Variants in LCOR observed in about 807,000 individuals in gnomAD.
LCOR encodes ligand dependent nuclear receptor corepressor.
In LCOR, 14 loss-of-function variants were observed where a neutral mutation model predicts 64.4. The ratio of observed to expected loss-of-function variants is 0.22; its 90% confidence interval spans 0.14 to 0.34. The LOEUF (loss-of-function observed/expected upper bound fraction) is 0.34, where lower values mean the gene tolerates loss of function less well. LCOR is among the 10% of genes least tolerant of loss of function. LCOR has a pLI of 1.00. For synonymous variants in LCOR, 643 were observed against 642.5 expected, an observed-to-expected ratio of 1.00 and a Z score of -0.01; for missense variants, 1,686 against 1,765.3, an observed-to-expected ratio of 0.96 and a Z score of 0.80.
rs977478115 is a variant in LCOR, at chr10:96,863,484, G to A, written c.-330+30005G>A. Among the ~76,000 whole-genome samples the A allele has an allele frequency of 5.9e-5, 9 of 152,272 alleles. No homozygotes were observed. The South Asian group carries it at 6.2e-4, about 11-fold the overall frequency. On this transcript the variant is annotated intron_variant, in intron 2 of 7. Transcript: ENST00000421806. ...CTCCCAAAGTGCTGGGATTACAGGT[G>A]TGAGCTACCATGCCTGGTCCATCTT...
Position 96,943,142 on chromosome 10 carries a change from C to G in LCOR, c.-183-971C>G, listed in dbSNP as rs149100500. Among the ~76,000 whole-genome samples, 1,162 of 152,246 alleles carry G rather than the reference C, an allele frequency of 7.6e-3. 55 individuals carry two copies. The highest frequency in any genetic ancestry group is 0.072 in the Admixed American group (1,093 of 15,286). ...TGAGACAAAGTCTTGCTGTGTCACC[C>G]AAGCTGGAGTGCAGTGGCATAATCT... is the stretch of plus-strand genomic sequence containing the variant. On this transcript the variant is annotated intron_variant, in intron 4 of 7. Coordinates refer to ENST00000421806, the MANE Select transcript of LCOR (RefSeq NM_001346516.2).
In LCOR at chr10:96,982,651, G is replaced by C; in HGVS notation, c.2191G>C (p.Ala731Pro). The C allele has an allele frequency of 1.2e-6, 2 of 1,614,176 alleles. No individual in the cohort carries two copies. The highest frequency in any genetic ancestry group is 1.7e-6 in the Non-Finnish European group (2 of 1,180,040). ...GGCTGAGGACAACCAAAGCATCAGT[G>C]CTGAGGTTGAGTCTGGAGACACCCA... ...GKAEDNQSIS[A>P]EVESGDTQEL... The change falls in exon 8 of 8, where the codon GCT becomes CCT. Residue 731 changes from alanine to proline, a missense_variant. Ala to Pro is a conservative substitution (Grantham distance 27, BLOSUM62 -1). Transcript: ENST00000421806.
At chr10:96,884,444 C>T (rs1846310190) in intron 2 of LCOR, among the ~76,000 whole-genome samples, 1 of 152,196 alleles carries the variant, frequency 6.6e-6, no homozygotes. Flanking sequence ...AGACTGTCAT[C>T]CTTTCTCTGT....
At chr10:96,895,965 C>G (rs373433799) in intron 2 of LCOR, among the ~76,000 whole-genome samples, 1 of 152,076 alleles carries the variant, frequency 6.6e-6, no homozygotes, top group African/African-American at 2.4e-5. Flanking sequence ...GCCTGTAGTC[C>G]AAGCTGCTCA....
intron 2 of LCOR, among the ~76,000 whole-genome samples, chr10:96,895,607 G>T (rs1846523150): frequency 6.6e-6 from 1 of 152,146 alleles, no homozygotes; most frequent in Non-Finnish European, 1.5e-5. Context: ...CCTCACCGTG[G>T]ACTGTATGAT....
intron 2 of LCOR, among the ~76,000 whole-genome samples, chr10:96,896,528 A>G (rs1032228461): frequency 6.6e-6 from 1 of 151,944 alleles, no homozygotes; most frequent in Non-Finnish European, 1.5e-5. Context: ...GGCTCAAGCG[A>G]TTCTCCCGCC....
At chr10:96,909,824 A>G (rs1356234678) in intron 4 of LCOR, among the ~76,000 whole-genome samples, 1 of 152,206 alleles carries the variant, frequency 6.6e-6, no homozygotes, top group East Asian at 1.9e-4. Context: ...AGAAAGCAAC[A>G]TTGTTTTGAG....
chr10:96,907,569 C>T (rs1846751143), intron 3 of LCOR, 99 bp from the exon 4 acceptor site: 1 of 393,348 alleles, frequency 2.5e-6, no homozygotes, highest in Non-Finnish European at 3.5e-6. Flanking sequence ...TATGGCCTAA[C>T]TACTTAGTTT....
At chr10:96,963,899 A>G (rs1013930760) in intron 7 of LCOR, 2 of 152,232 alleles carry the variant, frequency 1.3e-5, no homozygotes, top group African/African-American at 2.4e-5. Context: ...TCAGATTTCT[A>G]GAAGTTCAAG....
intron 2 of LCOR, among the ~76,000 whole-genome samples, chr10:96,897,556 T>C (rs182108959): frequency 1.4e-4 from 22 of 152,364 alleles, no homozygotes; most frequent in African/African-American, 5.0e-4. Context: ...GTGATTTTGG[T>C]AACTTATTTA....
In LCOR at chr10:96,995,899, A is replaced by C. The variant is rs1262414768; in HGVS notation, c.*10765A>C. On this transcript the variant is annotated 3_prime_UTR_variant, in exon 8 of 8. Coordinates refer to ENST00000421806, the MANE Select transcript of LCOR (RefSeq NM_001346516.2). This position sits in a 1 kb window ranked among gnomAD's most constrained non-coding sequence, Gnocchi z 4.2. ...TTTCTCTAACACTGACTTCTATTCC[A>C]TGAGCTTTTTCAAGGCGCTTATTTT... is the stretch of plus-strand genomic sequence containing the variant. 2 of 152,204 alleles carry C rather than the reference A, an allele frequency of 1.3e-5. No individual in the cohort carries two copies. The highest frequency in any genetic ancestry group is 2.9e-5 in the Non-Finnish European group (2 of 68,042). The allele number at this position is 152,204 out of a possible 1,614,324, so 9.4% of individuals were successfully genotyped here. A position where few individuals can be genotyped will look rare whatever the true frequency, so the allele number is the denominator to read the frequency against.
rs955401496 is a variant in LCOR at position 96,987,284 on chromosome 10, T to G, written c.*2150T>G. ...CACTGGATATTGTGTTTGTGGTGAC[T>G]TAAACAGCTGATGTTTGCCAATGTC... On this transcript the variant is annotated 3_prime_UTR_variant, in exon 8 of 8. Transcript: ENST00000421806. 1 of 152,230 alleles carries G rather than the reference T, an allele frequency of 6.6e-6. No individual in the cohort carries two copies. Among genetic ancestry groups the G allele is most frequent in the African/African-American group, 2.4e-5 (1 of 41,470 alleles). The allele number at this position is 152,230 out of a possible 1,614,324, so 9.4% of individuals were successfully genotyped here.
intron 2 of LCOR, among the ~76,000 whole-genome samples, chr10:96,864,707 A>G (rs1446988531): frequency 2.0e-5 from 3 of 152,230 alleles, no homozygotes; most frequent in Non-Finnish European, 4.4e-5. Context: ...CTGTATTTTT[A>G]CTATACCTTT....
At chr10:96,978,766 G>C (rs1348767161) in intron 7 of LCOR, among the ~76,000 whole-genome samples, 1 of 152,188 alleles carries the variant, frequency 6.6e-6, no homozygotes, top group African/African-American at 2.4e-5. Flanking sequence ...TTTGTATTTA[G>C]ACATGTTCAG....
At chr10:96,948,713 A>T (rs1392839780) in intron 5 of LCOR, among the ~76,000 whole-genome samples, 1 of 152,076 alleles carries the variant, frequency 6.6e-6, no homozygotes, top group Non-Finnish European at 1.5e-5. Flanking sequence ...GGGTTTTGGG[A>T]TTTCTGTATC....
At chr10:96,958,323 T>A (rs1282831761) in intron 7 of LCOR, 1 of 1,527,856 alleles carries the variant, frequency 6.5e-7, no homozygotes, top group Non-Finnish European at 8.8e-7. Context: ...ATATAAGTGA[T>A]GTATGAGTTG....
At chr10:96,873,247 T>C (rs1846102291) in intron 2 of LCOR, among the ~76,000 whole-genome samples, 1 of 152,212 alleles carries the variant, frequency 6.6e-6, no homozygotes, top group South Asian at 2.1e-4. Flanking sequence ...GTACTGTAAT[T>C]AGTTTCTAAA....
At chr10:96,965,661 CAAAAAAAAAAA>C (rs755222216) in intron 7 of LCOR, among the ~76,000 whole-genome samples, 5 of 65,322 alleles carry the variant, frequency 7.7e-5, no homozygotes, top group South Asian at 5.3e-4. Context: ...GACTCTGTCT[CAAAAAAAAAAA>C]AAAAAAAAAA....
At chr10:96,895,417 A>G (rs576260915) in intron 2 of LCOR, among the ~76,000 whole-genome samples, 2 of 152,146 alleles carry the variant, frequency 1.3e-5, no homozygotes, top group East Asian at 1.9e-4. Context: ...CTCTACCGCC[A>G]TTGCTACCCC....
Sources: allele counts gnomAD v4.1 joint callset (sites outside exome capture counted in the v4.1 genomes callset), GRCh38; gene constraint gnomAD v4.1.1; non-coding constraint Gnocchi (gnomAD v3.1); transcripts MANE v1.5; gene names NCBI Gene and HGNC (gene_info 2026-07-23, HGNC 2026-07-21).